Variants in CCDC85C observed in about 807,000 individuals in gnomAD.
The protein encoded by CCDC85C is coiled-coil domain containing 85C.
A neutral mutation model predicts 38.3 loss-of-function variants in CCDC85C; 18 were observed. That is an observed-to-expected ratio of 0.47 (90% CI 0.33 to 0.70). The LOEUF is 0.70. CCDC85C is among the 30% of genes least tolerant of loss of function. The pLI, the probability that CCDC85C is intolerant of heterozygous loss-of-function variation, is 0.03. For synonymous variants in CCDC85C, 264 were observed against 293.8 expected, an observed-to-expected ratio of 0.90 and a Z score of 1.04; for missense variants, 566 against 621.2, an observed-to-expected ratio of 0.91 and a Z score of 0.94.
chr14:99,579,943 T>C (rs111299803), intron 1 of CCDC85C: 28,677 of 414,124 alleles, frequency 0.069, 1,820 homozygotes, highest in African/African-American at 0.19. Flanking sequence ...GTCCAAGACT[T>C]TGGGAGTCTT....
At chr14:99,538,663 A>C (rs190012865) in intron 1 of CCDC85C, among the ~76,000 whole-genome samples, 1 of 152,154 alleles carries the variant, frequency 6.6e-6, no homozygotes, top group Admixed American at 6.5e-5. Context: ...TGAGCCCACA[A>C]TCGGAGGAGG....
At chr14:99,574,747 C>A (rs1898435772) in intron 1 of CCDC85C, among the ~76,000 whole-genome samples, 2 of 152,210 alleles carry the variant, frequency 1.3e-5, no homozygotes, top group Non-Finnish European at 2.9e-5. Context: ...CCAGCCGGGT[C>A]AGGTGGCCTG....
At chr14:99,555,993 ATCT>A (rs1047084079) in intron 1 of CCDC85C, among the ~76,000 whole-genome samples, 7 of 152,254 alleles carry the variant, frequency 4.6e-5, no homozygotes, top group Non-Finnish European at 7.3e-5. Context: ...CGATCGGCTG[ATCT>A]TCTACCAAAG....
rs1300541019 is a variant in CCDC85C, at chr14:99,572,422, C to T, written c.793+30745G>A. ...TGCAATCCCGGCTCCCACCCCCACC[C>T]CAAGGCCCTGCTCCACAGGGAAGCC... On this transcript the variant is annotated intron_variant, in intron 1 of 5. Coordinates refer to ENST00000380243, the MANE Select transcript of CCDC85C (RefSeq NM_001144995.2). This position sits in a 1 kb window ranked among gnomAD's most constrained non-coding sequence, Gnocchi z 4.4. 1.3e-5 allele frequency among the ~76,000 whole-genome samples: 2 copies of T among 152,166 alleles called. No individual in the cohort carries two copies. The highest frequency in any genetic ancestry group is 2.4e-5 in the African/African-American group (1 of 41,444).
rs190064303 is a variant in CCDC85C at position 99,572,361 on chromosome 14, G to A, written c.793+30806C>T. ...AGCTGTGGCATGTGGCCTTCCTCAC[G>A]GGACACTGCGGGCGCTGCGGGCTAG... On this transcript the variant is annotated intron_variant, in intron 1 of 5. Coordinates refer to ENST00000380243, the MANE Select transcript of CCDC85C (RefSeq NM_001144995.2). The surrounding 1 kb of genome is among the most constrained non-coding windows in gnomAD (Gnocchi z 4.4). Among the ~76,000 whole-genome samples, 4 of 152,258 alleles carry A rather than the reference G, an allele frequency of 2.6e-5. No individual in the cohort carries two copies. The highest frequency in any genetic ancestry group is 2.1e-4 in the South Asian group (1 of 4,826).
intron 2 of CCDC85C, among the ~76,000 whole-genome samples, chr14:99,523,599 T>TCAGCCAGGG (rs376608243): frequency 7.9e-5 from 12 of 152,224 alleles, no homozygotes; most frequent in Middle Eastern, 3.4e-3. Flanking sequence ...CAGACGCCGG[T>TCAGCCAGGG]CAGCCAGGGC....
At chr14:99,534,604 C>G in intron 2 of CCDC85C, 1 of 702,186 alleles carries the variant, frequency 1.4e-6, no homozygotes, top group South Asian at 1.5e-5. Context: ...GCATGGGGAC[C>G]TTCTCCAAAG....
rs982763367 is a variant in CCDC85C at position 99,506,542 on chromosome 14, C to T, written c.*8704G>A. On this transcript the variant is annotated 3_prime_UTR_variant, in exon 6 of 6. Coordinates refer to ENST00000380243, the MANE Select transcript of CCDC85C (RefSeq NM_001144995.2). ...ATTCTTCCTGCCATCAGTGTGTCAA[C>T]CTCCAGAGCTCTGCTGACTCCAGTT... 1 of 154,194 alleles carries T rather than the reference C, an allele frequency of 6.5e-6. No homozygotes were observed. Among genetic ancestry groups the T allele is most frequent in the East Asian group, 1.9e-4 (1 of 5,228 alleles). The allele number at this position is 154,194 out of a possible 1,614,324, so 9.6% of individuals were successfully genotyped here. A position where few individuals can be genotyped will look rare whatever the true frequency, so the allele number is the denominator to read the frequency against.
intron 2 of CCDC85C, among the ~76,000 whole-genome samples, chr14:99,534,216 G>A (rs1040681349): frequency 2.6e-5 from 4 of 152,040 alleles, no homozygotes; most frequent in Admixed American, 2.0e-4. Context: ...CTAGCCAGGC[G>A]TGGTGGCTCA....
Position 99,506,359 on chromosome 14 carries a change from CCTT to C in CCDC85C, c.*8884_*8886del, listed in dbSNP as rs1265646793. 2.0e-5 allele frequency: 3 copies of C among 152,272 alleles called. No individual in the cohort carries two copies. Among genetic ancestry groups the C allele is most frequent in the African/African-American group, 7.2e-5 (3 of 41,440 alleles). 9.4% of individuals were successfully genotyped at this position (152,272 alleles called of 1,614,324 possible). ...TTTTTCAGTTGTGATGTGCACGCTG[CCTT>C]CTTAAACGGATGAGATTGGACTTCC... On this transcript the variant is annotated 3_prime_UTR_variant, in exon 6 of 6. Transcript: ENST00000380243.
At chr14:99,515,401 C>T (rs997771074) in intron 5 of CCDC85C, 66 bp from the exon 6 acceptor site, 25 of 1,202,468 alleles carry the variant, frequency 2.1e-5, no homozygotes, top group South Asian at 1.5e-4. Flanking sequence ...TATGCACATC[C>T]GCCGCCTCAT....
intron 1 of CCDC85C, among the ~76,000 whole-genome samples, chr14:99,579,276 G>A (rs1232769301): frequency 1.3e-5 from 2 of 152,252 alleles, no homozygotes; most frequent in Non-Finnish European, 2.9e-5. Context: ...GAAGTGGCGG[G>A]GCTGCCCCAA....
At position 99,544,409 on chromosome 14, in the gene CCDC85C, C is replaced by T. The variant is rs755026512; in HGVS notation, c.794-8321G>A. 6.6e-6 allele frequency among the ~76,000 whole-genome samples: 1 copy of T among 152,142 alleles called. No homozygotes were observed. The highest frequency in any genetic ancestry group is 1.5e-5 in the Non-Finnish European group (1 of 68,028). Reference sequence around the variant, plus strand: ...GGCACAGCAACTTTCACCTACTCCCCCAACAAAGAGACCGAGGTTCCGAGG... The same window carrying T: ...GGCACAGCAACTTTCACCTACTCCCTCAACAAAGAGACCGAGGTTCCGAGG... On this transcript the variant is annotated intron_variant, in intron 1 of 5. Transcript: ENST00000380243. This position sits in a 1 kb window ranked among gnomAD's most constrained non-coding sequence, Gnocchi z 5.3.
intron 2 of CCDC85C, among the ~76,000 whole-genome samples, chr14:99,524,914 T>A (rs1897354688): frequency 1.3e-5 from 2 of 152,170 alleles, no homozygotes; most frequent in South Asian, 4.1e-4. Flanking sequence ...GGAGAAGGGA[T>A]CTTACACACA....
intron 1 of CCDC85C, among the ~76,000 whole-genome samples, chr14:99,549,436 C>T (rs939474186): frequency 9.2e-5 from 14 of 152,206 alleles, no homozygotes; most frequent in African/African-American, 3.1e-4. Flanking sequence ...GGTTCACAGG[C>T]GTCTGGCTGG....
chr14:99,501,301 G>A lies in CCDC85C; in HGVS notation c.*13945C>T. 1 of 1,118,346 alleles carries A rather than the reference G, an allele frequency of 8.9e-7. No individual in the cohort carries two copies. The allele number at this position is 1,118,346 out of a possible 1,614,324, so 69.3% of individuals were successfully genotyped here. The stretch of plus-strand genomic sequence containing the variant: ...GGTAGGTTTTTAATAAATACTTGAT[G>A]CTGCCTGTGAATTTTTCTATTGCTA... On this transcript the variant is annotated 3_prime_UTR_variant, in exon 6 of 6. Coordinates refer to ENST00000380243, the MANE Select transcript of CCDC85C (RefSeq NM_001144995.2).
chr14:99,563,321 C>T (rs563480810), intron 1 of CCDC85C, among the ~76,000 whole-genome samples: 20 of 152,272 alleles, frequency 1.3e-4, no homozygotes, highest in Admixed American at 3.9e-4. Flanking sequence ...ACAATAGCCC[C>T]GCCAGATGGC....
chr14:99,536,144 T>G (rs1897593739), intron 1 of CCDC85C, 56 bp from the exon 2 acceptor site: 1 of 1,222,950 alleles, frequency 8.2e-7, no homozygotes, highest in South Asian at 1.3e-5. Context: ...CCATCCCCAT[T>G]GCGCAACCCC....
chr14:99,593,059 A>G (rs1268982635), intron 1 of CCDC85C, among the ~76,000 whole-genome samples: 4 of 152,152 alleles, frequency 2.6e-5, no homozygotes, highest in African/African-American at 9.7e-5. Flanking sequence ...TGGCATGGGC[A>G]GTGTGGCCGG....
Sources: allele counts gnomAD v4.1 joint callset (sites outside exome capture counted in the v4.1 genomes callset), GRCh38; gene constraint gnomAD v4.1.1; non-coding constraint Gnocchi (gnomAD v3.1); transcripts MANE v1.5; gene names NCBI Gene and HGNC (gene_info 2026-07-23, HGNC 2026-07-21).